The following NOL10 variants were observed in gnomAD, a reference collection of about 807,000 sequenced individuals.
NOL10 encodes H_NH0074G24.1.
NOL10 carries 58 observed loss-of-function variants against 103.5 expected under a neutral mutation model. The ratio of observed to expected loss-of-function variants is 0.56; its 90% CI spans 0.45 to 0.70. The LOEUF (loss-of-function observed/expected upper bound fraction) is 0.70. NOL10 is among the 30% of genes least tolerant of loss of function. The probability of loss-of-function intolerance (pLI) is 0.00; values close to 1 mark genes in which losing one functional copy is unlikely to be tolerated. For synonymous variants in NOL10, 287 were observed against 282.5 expected, an observed-to-expected ratio of 1.02 and a Z score of -0.16; for missense variants, 763 against 807.3, an observed-to-expected ratio of 0.95 and a Z score of 0.67.
At chr2:10,651,202 G>A (rs975414212) in intron 12 of NOL10, among the ~76,000 whole-genome samples, 1 of 152,154 alleles carries the variant, frequency 6.6e-6, no homozygotes, top group East Asian at 1.9e-4. Flanking sequence ...ATTTCAGCAG[G>A]TGTCTCTTTG....
intron 13 of NOL10, among the ~76,000 whole-genome samples, chr2:10,612,285 A>G (rs1676613205): frequency 6.6e-6 from 1 of 152,236 alleles, no homozygotes; most frequent in Non-Finnish European, 1.5e-5. Context: ...TTAACAGATC[A>G]AGGGTGATTA....
In NOL10 at chr2:10,679,378, T is replaced by A. The variant is rs922524002; in HGVS notation, c.211+2593A>T. ...CTGCCTCAAAAAAAAAAAAAAAAAA[T>A]TTCATTAGCAAGGCATAGTGGCGAG... On this transcript the variant is annotated intron_variant, in intron 3 of 20. Coordinates refer to ENST00000381685, the MANE Select transcript of NOL10 (RefSeq NM_024894.4). Among the ~76,000 whole-genome samples the A allele has an allele frequency of 2.1e-4, 29 of 137,730 alleles. No individual in the cohort carries two copies. In the South Asian group the frequency reaches 6.7e-3, roughly 32 times the overall value. The allele number at this position is 137,730 out of a possible 152,430, so 90.4% of individuals were successfully genotyped here. A position where few individuals can be genotyped will look rare whatever the true frequency, so the allele number is the denominator to read the frequency against.
At chr2:10,634,554 G>A in intron 13 of NOL10, 1 of 456,728 alleles carries the variant, frequency 2.2e-6, no homozygotes, top group South Asian at 1.5e-5. Flanking sequence ...AGCTCAGAGG[G>A]AAGGCTGGAG....
intron 13 of NOL10, among the ~76,000 whole-genome samples, chr2:10,643,539 G>A (rs1156640463): frequency 6.6e-6 from 1 of 152,082 alleles, no homozygotes; most frequent in Non-Finnish European, 1.5e-5. Context: ...GGGAGCTTCT[G>A]GCTATTTAAG....
At chr2:10,685,590 C>A (rs1313611257) in intron 1 of NOL10, among the ~76,000 whole-genome samples, 1 of 149,200 alleles carries the variant, frequency 6.7e-6, no homozygotes, top group African/African-American at 2.5e-5. Context: ...ACAACAAAAG[C>A]TGATTAACTC....
chr2:10,596,136 T>C (rs1028105357), intron 17 of NOL10, among the ~76,000 whole-genome samples: 1 of 151,640 alleles, frequency 6.6e-6, no homozygotes, highest in Non-Finnish European at 1.5e-5. Context: ...TTCCTGAAAC[T>C]GCTAAAATAT....
intron 19 of NOL10, among the ~76,000 whole-genome samples, chr2:10,587,987 G>T (rs1486532958): frequency 1.3e-5 from 2 of 152,060 alleles, no homozygotes; most frequent in Non-Finnish European, 2.9e-5. Flanking sequence ...CTGCTCCCTT[G>T]GCTCCCCAGA....
chr2:10,601,820 C>A (rs1013107973), intron 16 of NOL10, among the ~76,000 whole-genome samples: 1 of 152,112 alleles, frequency 6.6e-6, no homozygotes, highest in Non-Finnish European at 1.5e-5. Flanking sequence ...CAAAAATACA[C>A]CAGAAATCTT....
intron 13 of NOL10, among the ~76,000 whole-genome samples, chr2:10,641,174 C>CAAAAAA (rs35267200): frequency 2.0e-5 from 2 of 99,458 alleles, no homozygotes; most frequent in Admixed American, 9.6e-5. Flanking sequence ...TACAAAAATA[C>CAAAAAA]AAAAAAAAAA....
chr2:10,668,792 A>G, intron 6 of NOL10, 69 bp from the exon 7 acceptor site: 1 of 588,644 alleles, frequency 1.7e-6, no homozygotes, highest in East Asian at 3.3e-5. Context: ...TATAAATTTT[A>G]TAAATATATA....
At chr2:10,592,644 A>C (rs537360609) in intron 17 of NOL10, among the ~76,000 whole-genome samples, 1 of 152,246 alleles carries the variant, frequency 6.6e-6, no homozygotes. Context: ...TCATCTTACT[A>C]TATTTATTAA....
At position 10,573,829 on chromosome 2, in the gene NOL10, C is replaced by A. The variant is rs186261732; in HGVS notation, c.1948-1639G>T. Among the ~76,000 whole-genome samples the A allele has an allele frequency of 3.3e-5, 5 of 152,282 alleles. No homozygotes were observed. In the East Asian group the frequency reaches 9.6e-4, roughly 29 times the overall value. On this transcript the variant is annotated intron_variant, in intron 20 of 20. Coordinates refer to ENST00000381685, the MANE Select transcript of NOL10 (RefSeq NM_024894.4). ...GCGTCCCAAACTCCTCCACTGTGCT[C>A]CGTCTCAAAGGGTCCCACCCAAGCC... is the stretch of plus-strand genomic sequence containing the variant.
chr2:10,638,523 A>C, intron 13 of NOL10, among the ~76,000 whole-genome samples: 1 of 103,900 alleles, frequency 9.6e-6, no homozygotes, highest in South Asian at 3.0e-4. Context: ...ATAGAGTCTC[A>C]CCCTGTCACC....
intron 12 of NOL10, among the ~76,000 whole-genome samples, chr2:10,650,188 G>C (rs1489452044): frequency 6.6e-6 from 1 of 151,726 alleles, no homozygotes; most frequent in Non-Finnish European, 1.5e-5. Flanking sequence ...TTTAGGTCTT[G>C]CTTTGTCACC....
Position 10,608,158 on chromosome 2 carries a change from T to C in NOL10, c.1027-847A>G, listed in dbSNP as rs1027441407. 1.4e-3 allele frequency among the ~76,000 whole-genome samples: 211 copies of C among 152,310 alleles called. 3 individuals are homozygous for C. Among genetic ancestry groups the C allele is most frequent in the Admixed American group, 0.014 (207 of 15,298 alleles). On this transcript the variant is annotated intron_variant, in intron 13 of 20. Coordinates refer to ENST00000381685, the MANE Select transcript of NOL10 (RefSeq NM_024894.4). ...TCATGCGGTACACAACAAATACATG[T>C]AATTTTTACTTGCCATTTAAAAATA...
rs151303429 is a variant in NOL10 at position 10,624,555 on chromosome 2, A to G, written c.1027-17244T>C. ...CTAAGCAAATCAAAATTAGGTAACAAAAGTCCAGGAAAAACAAAAGCTTAT... is the reference window on the plus strand; with the variant it reads ...CTAAGCAAATCAAAATTAGGTAACAGAAGTCCAGGAAAAACAAAAGCTTAT... On this transcript the variant is annotated intron_variant, in intron 13 of 20. Transcript: ENST00000381685. Among the ~76,000 whole-genome samples, 562 of 152,288 alleles carry G rather than the reference A, an allele frequency of 3.7e-3. 4 individuals are homozygous for G. Among genetic ancestry groups the G allele is most frequent in the Non-Finnish European group, 6.3e-3 (426 of 68,020 alleles).
Position 10,607,254 on chromosome 2 carries a change from C to T in NOL10, c.1084G>A (p.Glu362Lys). Residue 362 changes from glutamate to lysine, a missense_variant, in exon 14 of 21, where the codon GAA becomes AAA. Physicochemically the swap from Glu to Lys is moderately conservative, Grantham distance 56. Coordinates refer to ENST00000381685, the MANE Select transcript of NOL10 (RefSeq NM_024894.4). ...SFLDNLTEEL[E>K]ENPESTVYDD... The stretch of plus-strand genomic sequence containing the variant: ...TAGACTGTGCTTTCTGGATTCTCTT[C>T]TAATTCTTCGGTCAAGTTGTCTAAG... The T allele has an allele frequency of 6.2e-7, 1 of 1,609,122 alleles. No individual in the cohort carries two copies. Among genetic ancestry groups the T allele is most frequent in the Non-Finnish European group, 8.5e-7 (1 of 1,177,462 alleles).
At chr2:10,655,840 G>A (rs1679816047) in intron 11 of NOL10, among the ~76,000 whole-genome samples, 1 of 152,184 alleles carries the variant, frequency 6.6e-6, no homozygotes, top group Admixed American at 6.5e-5. Flanking sequence ...CAGTGTTAGA[G>A]CACAGACAAG....
At position 10,589,035 on chromosome 2, in the gene NOL10, C is replaced by T. The variant is rs1216345253; in HGVS notation, c.1844+8G>A. On this transcript the variant is annotated splice_region_variant and intron_variant, in intron 19 of 20. Coordinates refer to ENST00000381685, the MANE Select transcript of NOL10 (RefSeq NM_024894.4). The stretch of plus-strand genomic sequence containing the variant: ...ATGTCAACTGTGCGCTCAGGCAGTG[C>T]TACTCACTTCATCAGTTTCTGCTTT... The T allele has an allele frequency of 1.2e-6, 2 of 1,613,354 alleles. No individual in the cohort carries two copies. The highest frequency in any genetic ancestry group is 3.3e-5 in the Admixed American group (2 of 59,992).
Sources: allele counts gnomAD v4.1 joint callset (sites outside exome capture counted in the v4.1 genomes callset), GRCh38; gene constraint gnomAD v4.1.1; transcripts MANE v1.5; gene names NCBI Gene and HGNC (gene_info 2026-07-23, HGNC 2026-07-21).